HIP1R: variants seen among roughly 807,000 people sequenced by gnomAD.
HIP1R encodes huntingtin interacting protein 1 related.
HIP1R carries 135 observed loss-of-function variants against 144.2 expected under a neutral mutation model. The ratio of observed to expected loss-of-function variants is 0.94; its 90% confidence interval spans 0.81 to 1.08. HIP1R has a LOEUF of 1.08. Among genes scored for constraint, HIP1R ranks in the 50% least tolerant of loss-of-function variants. The pLI is 0.00. For missense variants in HIP1R, 1,462 were observed against 1,432.8 expected, an observed-to-expected ratio of 1.02 and a Z score of -0.33; for synonymous variants, 698 against 612.8, an observed-to-expected ratio of 1.14 and a Z score of -2.05.
At chr12:122,854,596 T>C (rs1031375109) in intron 8 of HIP1R, among the ~76,000 whole-genome samples, 4 of 152,248 alleles carry the variant, frequency 2.6e-5, no homozygotes, top group African/African-American at 9.6e-5. Flanking sequence ...ACTGTGTTAG[T>C]GTCAGCCTGG....
intron 2 of HIP1R, 56 bp downstream of exon 2, chr12:122,848,150 A>G (rs1026886402): frequency 4.5e-6 from 7 of 1,569,808 alleles, no homozygotes; most frequent in Non-Finnish European, 5.3e-6. Context: ...GGAGCAGCGT[A>G]GTGCTGCAGG....
Position 122,859,239 on chromosome 12 carries a change from C to G in HIP1R, c.2295+42C>G, listed in dbSNP as rs1453914761. 6.5e-6 allele frequency: 10 copies of G among 1,547,840 alleles called. No homozygotes were observed. The East Asian group carries it at 9.5e-5, about 15-fold the overall frequency. On this transcript the variant is annotated intron_variant, in intron 22 of 31. Transcript: ENST00000253083. The stretch of plus-strand genomic sequence containing the variant: ...TGTGGGTTTGGGAGGCTTGGGCCTG[C>G]CTCTGACCTCTGCACCCACCTCTGG...
At chr12:122,849,575 C>A (rs545375682) in intron 4 of HIP1R, among the ~76,000 whole-genome samples, 10 of 152,352 alleles carry the variant, frequency 6.6e-5, no homozygotes, top group South Asian at 4.1e-4. Context: ...TGTGTCCAGG[C>A]GCCCGTCGGG....
chr12:122,835,075 A>G, upstream of HIP1R: 1 of 1,127,406 alleles, frequency 8.9e-7, no homozygotes, highest in Non-Finnish European at 1.2e-6. Flanking sequence ...AGGAGGAGGG[A>G]GGGGTTCCCC....
chr12:122,849,843 CG>C, intron 4 of HIP1R, 31 bp from the exon 5 acceptor site: 1 of 1,545,522 alleles, frequency 6.5e-7, no homozygotes, highest in Admixed American at 1.7e-5. Flanking sequence ...GTTCACGAGC[CG>C]TGGCCCCTCA....
intron 4 of HIP1R, among the ~76,000 whole-genome samples, chr12:122,849,562 G>T (rs888712991): frequency 3.4e-4 from 52 of 152,410 alleles, no homozygotes; most frequent in African/African-American, 1.2e-3. Flanking sequence ...GGAGCAGGGA[G>T]GATGTGTCCA....
chr12:122,842,853 G>A (rs1019520263), intron 1 of HIP1R, among the ~76,000 whole-genome samples: 2 of 152,256 alleles, frequency 1.3e-5, no homozygotes, highest in African/African-American at 2.4e-5. Context: ...AGGGACCAGT[G>A]CAGCTCTGGG....
intron 5 of HIP1R, 126 bp downstream of exon 5, chr12:122,850,081 T>C (rs767287238): frequency 2.7e-6 from 2 of 732,832 alleles, no homozygotes; most frequent in African/African-American, 1.7e-5. Flanking sequence ...ATTCACCTTC[T>C]TGTCCCAACT....
Position 122,836,943 on chromosome 12 carries a change from C to T in HIP1R, c.93+1300C>T, listed in dbSNP as rs2032914024. Reference sequence around the variant, plus strand: ...TGGAACCCAGGTGGCTGCAAATTACCAATTTAGCCTTGTGATCTTCATCAC... The same window carrying T: ...TGGAACCCAGGTGGCTGCAAATTACTAATTTAGCCTTGTGATCTTCATCAC... On this transcript the variant is annotated intron_variant, in intron 1 of 31. Transcript: ENST00000253083. This position sits in a 1 kb window ranked among gnomAD's most constrained non-coding sequence, Gnocchi z 4.1. Among the ~76,000 whole-genome samples the T allele has an allele frequency of 6.6e-6, 1 of 152,308 alleles. No individual in the cohort carries two copies. The highest frequency in any genetic ancestry group is 1.5e-5 in the Non-Finnish European group (1 of 68,032).
chr12:122,851,029 G>A, intron 6 of HIP1R, 118 bp downstream of exon 6: 1 of 951,440 alleles, frequency 1.1e-6, no homozygotes, highest in Non-Finnish European at 1.6e-6. Flanking sequence ...CCGTGGCTTT[G>A]TTGGTTGATG....
chr12:122,837,704 C>T (rs556469301), intron 1 of HIP1R, among the ~76,000 whole-genome samples: 4 of 152,206 alleles, frequency 2.6e-5, no homozygotes, highest in Non-Finnish European at 5.9e-5. Flanking sequence ...GGGTGAATGT[C>T]ACAGGTCTTA....
At position 122,855,589 on chromosome 12, in the gene HIP1R, C is replaced by T. The variant is rs1354325640; in HGVS notation, c.1032C>T (p.Pro344=). The T allele has an allele frequency of 5.2e-6, 8 of 1,549,678 alleles. No individual in the cohort carries two copies. Among genetic ancestry groups the T allele is most frequent in the Non-Finnish European group, 7.0e-6 (8 of 1,147,060 alleles). ...TCTTCGATCAGACGTTTGGACCCCC[C>T]AATGGGTCTGTGAAGGACGACAGGT... ...ADLFDQTFGP[P]NGSVKDDRDL... The change falls in exon 12 of 32, where the codon CCC becomes CCT. Residue 344 remains proline, a synonymous_variant. Coordinates refer to ENST00000253083, the MANE Select transcript of HIP1R (RefSeq NM_003959.3).
At chr12:122,848,151 G>C in intron 2 of HIP1R, 57 bp downstream of exon 2, 1 of 1,560,618 alleles carries the variant, frequency 6.4e-7, no homozygotes, top group Admixed American at 1.7e-5. Flanking sequence ...GAGCAGCGTA[G>C]TGCTGCAGGT....
Position 122,855,971 on chromosome 12 carries a change from C to T in HIP1R, c.1129-9C>T. On this transcript the variant is annotated splice_polypyrimidine_tract_variant and intron_variant, in intron 13 of 31. Transcript: ENST00000253083. ...CAGGCAGGGCCCCACGTCACACCTC[C>T]TCCCGCAGGCCCAGCGGTACATCGC... The T allele has an allele frequency of 1.3e-6, 2 of 1,579,938 alleles. No homozygotes were observed. The highest frequency in any genetic ancestry group is 1.2e-5 in the South Asian group (1 of 86,360).
intron 1 of HIP1R, among the ~76,000 whole-genome samples, chr12:122,847,514 AT>A (rs1189842374): frequency 6.6e-6 from 1 of 152,184 alleles, no homozygotes; most frequent in Non-Finnish European, 1.5e-5. Flanking sequence ...GGGGCAGCCT[AT>A]GGGGCAGTGG....
chr12:122,844,081 C>T (rs1437851985), intron 1 of HIP1R, among the ~76,000 whole-genome samples: 4 of 152,152 alleles, frequency 2.6e-5, no homozygotes, highest in African/African-American at 4.8e-5. Flanking sequence ...TCAAGTGATC[C>T]ACCTGCCTCG....
At position 122,861,782 on chromosome 12, in the gene HIP1R, G is replaced by T; in HGVS notation, c.*29G>T. 6.2e-7 allele frequency: 1 copy of T among 1,611,188 alleles called. No individual in the cohort carries two copies. The highest frequency in any genetic ancestry group is 1.1e-5 in the South Asian group (1 of 91,006). ...CCCCAGGGGTCCAGCAGGGTGGCTG[G>T]TGACAGGCCTGGGCCTCTGCAACTG... is the stretch of plus-strand genomic sequence containing the variant. On this transcript the variant is annotated 3_prime_UTR_variant, in exon 32 of 32. Coordinates refer to ENST00000253083, the MANE Select transcript of HIP1R (RefSeq NM_003959.3).
intron 28 of HIP1R, 66 bp downstream of exon 28, chr12:122,860,850 C>T: frequency 1.9e-6 from 3 of 1,595,494 alleles, no homozygotes; most frequent in Non-Finnish European, 8.5e-7. Flanking sequence ...CTGTGGCTGC[C>T]AAGCCCAGGC....
rs772003763 is a variant in HIP1R, at chr12:122,857,119, G to A, written c.1719G>A (p.Ala573=). The A allele has an allele frequency of 2.3e-5, 36 of 1,550,588 alleles. No homozygotes were observed. The South Asian group carries it at 3.1e-4, about 13-fold the overall frequency. ...VRQREADLLA[A]QSLVRETEAA... The stretch of plus-strand genomic sequence containing the variant: ...AGCGGGAGGCAGACCTGCTGGCGGC[G>A]CAGAGCCTGGTGCGCGAGACAGAGG... Residue 573 remains alanine (A), a synonymous_variant, in exon 18 of 32, where the codon GCG becomes GCA. Transcript: ENST00000253083.
Sources: allele counts gnomAD v4.1 joint callset (sites outside exome capture counted in the v4.1 genomes callset), GRCh38; gene constraint gnomAD v4.1.1; non-coding constraint Gnocchi (gnomAD v3.1); transcripts MANE v1.5; gene names NCBI Gene and HGNC (gene_info 2026-07-23, HGNC 2026-07-21).